The following SEZ6L variants were observed in gnomAD, a reference collection of about 807,000 sequenced individuals.
SEZ6L encodes seizure related 6 homolog like.
SEZ6L carries 37 observed loss-of-function variants against 106.2 expected under a neutral mutation model. The observed-to-expected ratio is 0.35, with a 90% CI of 0.27 to 0.46. SEZ6L has a LOEUF of 0.46. Among genes scored for constraint, SEZ6L ranks in the 20% least tolerant of loss-of-function variants. The pLI is 1.00. For synonymous variants in SEZ6L, 541 were observed against 570.4 expected (o/e 0.95, Z 0.73); for missense variants, 1,172 against 1,332.8 (o/e 0.88, Z 1.88).
chr22:26,377,999 A>G (rs1266128860), intron 16 of SEZ6L, among the ~76,000 whole-genome samples: 1 of 152,186 alleles, frequency 6.6e-6, no homozygotes, highest in Non-Finnish European at 1.5e-5. Flanking sequence ...TACTGTCAGC[A>G]GAACACCCAC....
chr22:26,174,519 G>T (rs1938847582), intron 1 of SEZ6L, among the ~76,000 whole-genome samples: 1 of 152,220 alleles, frequency 6.6e-6, no homozygotes, highest in Non-Finnish European at 1.5e-5. Flanking sequence ...TTGAGCCGCG[G>T]TGTTCGCTGT....
At chr22:26,307,420 G>A (rs909490071) in intron 6 of SEZ6L, among the ~76,000 whole-genome samples, 16 of 151,288 alleles carry the variant, frequency 1.1e-4, no homozygotes, top group African/African-American at 3.2e-4. Context: ...GAATTCTAAT[G>A]TTTTGGCTTC....
At chr22:26,249,393 C>T (rs934912366) in intron 1 of SEZ6L, among the ~76,000 whole-genome samples, 6 of 152,172 alleles carry the variant, frequency 3.9e-5, no homozygotes, top group African/African-American at 1.4e-4. Flanking sequence ...TTTTCAGTTT[C>T]AACAGATGAG....
At chr22:26,198,310 T>C (rs777578952) in intron 1 of SEZ6L, among the ~76,000 whole-genome samples, 5 of 152,226 alleles carry the variant, frequency 3.3e-5, no homozygotes, top group Non-Finnish European at 5.9e-5. Flanking sequence ...GGATAATACA[T>C]GTAAAAGTAC....
intron 3 of SEZ6L, 54 bp downstream of exon 3, chr22:26,294,479 G>C: frequency 6.3e-7 from 1 of 1,581,432 alleles, no homozygotes; most frequent in Non-Finnish European, 8.7e-7. Context: ...GGAAGTCTCA[G>C]GAGGATTGTC....
chr22:26,177,761 A>G (rs1441888168), intron 1 of SEZ6L, among the ~76,000 whole-genome samples: 2 of 152,186 alleles, frequency 1.3e-5, no homozygotes, highest in Non-Finnish European at 2.9e-5. Context: ...CAGGGATAAT[A>G]TGATATGGGA....
intron 1 of SEZ6L, among the ~76,000 whole-genome samples, chr22:26,273,744 T>C (rs1459572248): frequency 1.3e-5 from 2 of 152,150 alleles, no homozygotes; most frequent in Middle Eastern, 3.2e-3. Flanking sequence ...TGGTGCTCCA[T>C]ACAGGATTAC....
intron 13 of SEZ6L, 68 bp from the exon 14 acceptor site, chr22:26,373,383 G>T: frequency 1.5e-6 from 2 of 1,378,060 alleles, no homozygotes; most frequent in Admixed American, 2.2e-5. Flanking sequence ...CAAATTTTTT[G>T]GCCTCATTTC....
At position 26,314,751 on chromosome 22, in the gene SEZ6L, T is replaced by G. The variant is rs74679473; in HGVS notation, c.2015+849T>G. Among the ~76,000 whole-genome samples, 622 of 152,296 alleles carry G rather than the reference T, an allele frequency of 4.1e-3. 6 individuals carry two copies. The highest frequency in any genetic ancestry group is 0.014 in the African/African-American group (589 of 41,564). ...AGGGAAGCAGCTACTCTGGGCCAGA[T>G]GCAAAAGTGACTGCTCTAAGCATTT... is the stretch of plus-strand genomic sequence containing the variant. On this transcript the variant is annotated intron_variant, in intron 9 of 16. Coordinates refer to ENST00000248933, the MANE Select transcript of SEZ6L (RefSeq NM_021115.5).
intron 2 of SEZ6L, among the ~76,000 whole-genome samples, 188 bp downstream of exon 2, chr22:26,293,334 TG>T (rs35716899): frequency 6.6e-6 from 1 of 152,196 alleles, no homozygotes; most frequent in Non-Finnish European, 1.5e-5. Flanking sequence ...TTTGTTGTTT[TG>T]GGGGGTTGTT....
At chr22:26,221,711 C>A (rs751432784) in intron 1 of SEZ6L, among the ~76,000 whole-genome samples, 1 of 151,488 alleles carries the variant, frequency 6.6e-6, no homozygotes, top group South Asian at 2.1e-4. Flanking sequence ...GGTGTGTGTG[C>A]ACCTGAATTC....
intron 12 of SEZ6L, among the ~76,000 whole-genome samples, chr22:26,362,621 G>T (rs1201262792): frequency 6.6e-6 from 1 of 152,176 alleles, no homozygotes. Context: ...TCACCGCATT[G>T]CTGGACGCAT....
At chr22:26,371,822 G>A (rs2084047165) in intron 13 of SEZ6L, among the ~76,000 whole-genome samples, 1 of 152,148 alleles carries the variant, frequency 6.6e-6, no homozygotes, top group Admixed American at 6.5e-5. Context: ...TAGCAAGAAA[G>A]GCTCTCAGGA....
At chr22:26,353,464 C>CTA (rs1322565397) in intron 12 of SEZ6L, among the ~76,000 whole-genome samples, 1 of 152,150 alleles carries the variant, frequency 6.6e-6, no homozygotes, top group Admixed American at 6.5e-5. Context: ...TTTCTAGACA[C>CTA]TATATATATG....
chr22:26,281,819 C>T (rs745473140), intron 1 of SEZ6L, among the ~76,000 whole-genome samples: 12 of 152,168 alleles, frequency 7.9e-5, no homozygotes, highest in South Asian at 2.1e-4. Context: ...CTCTGGTAAA[C>T]ACCATTCTAC....
intron 1 of SEZ6L, among the ~76,000 whole-genome samples, chr22:26,266,601 ATAAATAAATAAAT>A (rs2080198748): frequency 6.7e-6 from 1 of 149,460 alleles, no homozygotes; most frequent in African/African-American, 2.5e-5. Context: ...AAATAAATAA[ATAAATAAATAAAT>A]AAATAGCAAC....
intron 1 of SEZ6L, among the ~76,000 whole-genome samples, chr22:26,208,848 CTCTGTGTGTGTGTGTGTGTG>C (rs1254238011): frequency 1.9e-4 from 20 of 106,904 alleles, no homozygotes; most frequent in South Asian, 1.2e-3. Flanking sequence ...TTGACTCTCT[CTCTGTGTGTGTGTGTGTGTG>C]TGTGTGTGTG....
intron 1 of SEZ6L, among the ~76,000 whole-genome samples, chr22:26,226,698 G>A (rs548669773): frequency 6.6e-6 from 1 of 152,244 alleles, no homozygotes; most frequent in Admixed American, 6.5e-5. Context: ...TCTCTAAAAT[G>A]GCTGAATTTC....
chr22:26,275,624 C>A (rs9613147), intron 1 of SEZ6L, among the ~76,000 whole-genome samples: 44,078 of 151,886 alleles, frequency 0.29, 7,100 homozygotes, highest in Non-Finnish European at 0.37. Flanking sequence ...TAGCCCAGAG[C>A]TTTCTCTGTC....
Sources: gnomAD v4.1 joint callset for allele counts (sites outside exome capture counted in the v4.1 genomes callset) on GRCh38, gnomAD v4.1.1 for gene constraint, MANE v1.5 for transcripts, NCBI Gene and HGNC (gene_info 2026-07-23, HGNC 2026-07-21) for gene names.